KCNH7: variants seen among roughly 807,000 people sequenced by gnomAD.
The protein encoded by KCNH7 is potassium voltage-gated channel subfamily H member 7.
In KCNH7, 49 loss-of-function variants were observed where a neutral mutation model predicts 120.8. The observed-to-expected ratio is 0.41, with a 90% CI of 0.32 to 0.51. KCNH7 has a LOEUF of 0.51. Ranked by LOEUF, KCNH7 falls within the 20% of genes least tolerant of loss-of-function variation. The pLI, the probability that KCNH7 is intolerant of heterozygous loss-of-function variation, is 0.38. For missense variants in KCNH7, 1,097 were observed against 1,446.6 expected (o/e 0.76, Z 3.92); for synonymous variants, 547 against 516.1 (o/e 1.06, Z -0.81).
In KCNH7 at chr2:162,435,519, A is replaced by C; in HGVS notation, c.1633T>G (p.Ser545Ala). The C allele has an allele frequency of 6.2e-7, 1 of 1,613,664 alleles. No homozygotes were observed. The highest frequency in any genetic ancestry group is 8.5e-7 in the Non-Finnish European group (1 of 1,179,768). The change falls in exon 8 of 16, where the codon TCA becomes GCA. Residue 545 changes from serine to alanine, a missense_variant. By Grantham distance (99) the Ser-to-Ala change is moderately conservative. Coordinates refer to ENST00000332142, the MANE Select transcript of KCNH7 (RefSeq NM_033272.4). ...VRVARKLDRY[S>A]EYGAAVLMLL... ...ATTAGAACAGCAGCGCCATATTCTG[A>C]ATATCGATCCAGTTTCCTGGCCACG...
chr2:162,701,740 G>T (rs1207938240), intron 2 of KCNH7, among the ~76,000 whole-genome samples: 3 of 152,192 alleles, frequency 2.0e-5, no homozygotes, highest in Non-Finnish European at 4.4e-5. Flanking sequence ...TGGGCACAGT[G>T]GCTCACGCCT....
chr2:162,590,867 A>G lies in KCNH7; in HGVS notation c.308-53787T>C, dbSNP rs74811393. 4.6e-3 allele frequency among the ~76,000 whole-genome samples: 701 copies of G among 152,242 alleles called. 7 individuals carry two copies. Among genetic ancestry groups the G allele is most frequent in the African/African-American group, 0.016 (667 of 41,552 alleles). Reference sequence around the variant, plus strand: ...TTAAATATGTAAATTAGAGCATGTCATTAATGTCCTCCAAGGGCTTCCCAA... The same window carrying G: ...TTAAATATGTAAATTAGAGCATGTCGTTAATGTCCTCCAAGGGCTTCCCAA... On this transcript the variant is annotated intron_variant, in intron 2 of 15. Transcript: ENST00000332142.
chr2:162,752,400 CTTAT>C (rs1688583169), intron 2 of KCNH7, among the ~76,000 whole-genome samples: 1 of 152,256 alleles, frequency 6.6e-6, no homozygotes, highest in African/African-American at 2.4e-5. Context: ...CTTACATTTT[CTTAT>C]TTAATGTGTT....
chr2:162,395,302 G>T (rs562517007), intron 11 of KCNH7, among the ~76,000 whole-genome samples: 1 of 151,842 alleles, frequency 6.6e-6, no homozygotes, highest in East Asian at 1.9e-4. Context: ...GTACTGCAAA[G>T]AAAAATGTGT....
At chr2:162,587,800 A>G (rs1054869050) in intron 2 of KCNH7, among the ~76,000 whole-genome samples, 11 of 152,124 alleles carry the variant, frequency 7.2e-5, no homozygotes, top group Admixed American at 1.3e-4. Context: ...ATGTGTGTCA[A>G]CTTTCATTTG....
intron 4 of KCNH7, 87 bp from the exon 5 acceptor site, chr2:162,512,761 ACAAT>A (rs779109359): frequency 1.1e-5 from 11 of 1,005,530 alleles, no homozygotes; most frequent in African/African-American, 3.3e-5. Context: ...CTGTATAAAA[ACAAT>A]CAGAGAAATC....
intron 4 of KCNH7, among the ~76,000 whole-genome samples, chr2:162,513,466 C>CTT (rs1691179814): frequency 4.5e-5 from 2 of 44,538 alleles, no homozygotes; most frequent in East Asian, 5.6e-4. Flanking sequence ...TCCTTCCCTC[C>CTT]CTCCTTCCTT....
intron 2 of KCNH7, among the ~76,000 whole-genome samples, chr2:162,830,807 C>T (rs893069214): frequency 7.9e-5 from 12 of 152,154 alleles, no homozygotes; most frequent in African/African-American, 2.9e-4. Flanking sequence ...CAACAAAGTG[C>T]CATCTTGAAA....
At chr2:162,530,490 ACAC>A (rs1347565967) in intron 3 of KCNH7, among the ~76,000 whole-genome samples, 1 of 151,996 alleles carries the variant, frequency 6.6e-6, no homozygotes, top group Non-Finnish European at 1.5e-5. Context: ...ACACACACAC[ACAC>A]AATTACAAAC....
chr2:162,420,572 T>C (rs1395707332), intron 9 of KCNH7, among the ~76,000 whole-genome samples: 3 of 152,324 alleles, frequency 2.0e-5, no homozygotes, highest in Non-Finnish European at 4.4e-5. Context: ...AAGCAAAAGA[T>C]GCAGGGATTA....
At chr2:162,387,970 G>C (rs1432048368) in intron 12 of KCNH7, among the ~76,000 whole-genome samples, 1 of 151,698 alleles carries the variant, frequency 6.6e-6, no homozygotes, top group Non-Finnish European at 1.5e-5. Flanking sequence ...CATTTAAGGT[G>C]CTCTCTCAGC....
intron 9 of KCNH7, among the ~76,000 whole-genome samples, chr2:162,422,955 T>TA (rs1687752828): frequency 6.6e-6 from 1 of 152,198 alleles, no homozygotes; most frequent in African/African-American, 2.4e-5. Context: ...GGGGGCATCA[T>TA]AATTATTACT....
In KCNH7 at chr2:162,736,967, G is replaced by A. The variant is rs148086881; in HGVS notation, c.307+99570C>T. On this transcript the variant is annotated intron_variant, in intron 2 of 15. Transcript: ENST00000332142. ...TATTACCCAATTATATTCATAGATC[G>A]AGGCACCTAAAATAAACAAAAACAA... is the stretch of plus-strand genomic sequence containing the variant. 3.9e-5 allele frequency among the ~76,000 whole-genome samples: 6 copies of A among 152,014 alleles called. No individual in the cohort carries two copies. The East Asian group carries it at 7.7e-4, about 20-fold the overall frequency.
At chr2:162,624,773 T>C (rs1683488340) in intron 2 of KCNH7, among the ~76,000 whole-genome samples, 1 of 151,654 alleles carries the variant, frequency 6.6e-6, no homozygotes, top group Non-Finnish European at 1.5e-5. Context: ...TATATAAAGC[T>C]GTCTCCTAAC....
chr2:162,695,410 C>T (rs956736008), intron 2 of KCNH7, among the ~76,000 whole-genome samples: 2 of 152,002 alleles, frequency 1.3e-5, no homozygotes, highest in East Asian at 3.9e-4. Context: ...GATAGCAAAA[C>T]CAAAAACCCA....
chr2:162,624,927 C>T (rs867663203), intron 2 of KCNH7, among the ~76,000 whole-genome samples: 8 of 95,928 alleles, frequency 8.3e-5, no homozygotes, highest in African/African-American at 2.1e-4. Context: ...GATGGAGTTT[C>T]GCTCTTGTTG....
intron 6 of KCNH7, 54 bp downstream of exon 6, chr2:162,504,389 G>A (rs1690792538): frequency 7.7e-7 from 1 of 1,297,386 alleles, no homozygotes; most frequent in South Asian, 1.2e-5. Context: ...ATGTTTCATG[G>A]TGCAGAAACA....
intron 2 of KCNH7, among the ~76,000 whole-genome samples, chr2:162,733,351 A>T (rs1687793294): frequency 6.6e-6 from 1 of 152,182 alleles, no homozygotes; most frequent in South Asian, 2.1e-4. Context: ...CTATTGCAGG[A>T]TTGTTTCTGC....
chr2:162,643,436 G>A (rs769490146), intron 2 of KCNH7, among the ~76,000 whole-genome samples: 2 of 152,062 alleles, frequency 1.3e-5, no homozygotes, highest in African/African-American at 2.4e-5. Flanking sequence ...ATTAGGAAAA[G>A]TATTTGTGAA....
Sources: gnomAD v4.1 joint callset for allele counts (sites outside exome capture counted in the v4.1 genomes callset) on GRCh38, gnomAD v4.1.1 for gene constraint, MANE v1.5 for transcripts, NCBI Gene and HGNC (gene_info 2026-07-23, HGNC 2026-07-21) for gene names.